Variants in DPYSL2 observed in about 807,000 individuals in gnomAD.
DPYSL2 encodes dihydropyrimidinase like 2.
Under a neutral mutation model 69.9 loss-of-function variants are expected in DPYSL2, and 13 were observed. That is an observed-to-expected ratio of 0.19 (90% CI 0.12 to 0.30). DPYSL2 has a LOEUF of 0.30. Ranked by LOEUF, DPYSL2 falls within the 10% of genes least tolerant of loss-of-function variation. DPYSL2 has a pLI of 1.00. For synonymous variants in DPYSL2, 326 were observed against 359.1 expected, an observed-to-expected ratio of 0.91 and a Z score of 1.04; for missense variants, 587 against 918.9, an observed-to-expected ratio of 0.64 and a Z score of 4.67.
rs1257148376 is a variant in DPYSL2, at chr8:26,514,331, C to A, written c.6C>A (p.Ala2=). Residue 2 remains alanine, a synonymous_variant, in exon 1 of 14, where the codon GCC becomes GCA. Coordinates refer to ENST00000521913, the MANE Select transcript of DPYSL2 (RefSeq NM_001197293.3). This position sits in a 1 kb window ranked among gnomAD's most constrained non-coding sequence, Gnocchi z 8.4. ...CCTACCCGAGCCCCCGAGCCATGGC[C>A]GAGAGAAAGCAATCCGGGAAGGCGG... M[A]ERKQSGKAAE... 2 of 1,460,396 alleles carry A rather than the reference C, an allele frequency of 1.4e-6. No homozygotes were observed. Among genetic ancestry groups the A allele is most frequent in the African/African-American group, 1.4e-5 (1 of 69,484 alleles). 90.5% of individuals were successfully genotyped at this position (1,460,396 alleles called of 1,614,324 possible).
In DPYSL2 at chr8:26,587,039, G is replaced by A. The variant is rs562202404; in HGVS notation, c.628+3056G>A. Among the ~76,000 whole-genome samples the A allele has an allele frequency of 1.6e-4, 25 of 152,270 alleles. 1 individual carries two copies. Among genetic ancestry groups the A allele is most frequent in the Admixed American group, 6.5e-4 (10 of 15,296 alleles). ...AATTTCTACTAGCCTGCCTTTCCCC[G>A]GGGGAGGGAATGGTAATAATACAGG... On this transcript the variant is annotated intron_variant, in intron 3 of 13. Coordinates refer to ENST00000521913, the MANE Select transcript of DPYSL2 (RefSeq NM_001197293.3). This position sits in a 1 kb window ranked among gnomAD's most constrained non-coding sequence, Gnocchi z 4.2.
chr8:26,522,089 CT>C (rs1808395985), intron 1 of DPYSL2, among the ~76,000 whole-genome samples: 1 of 152,174 alleles, frequency 6.6e-6, no homozygotes, highest in African/African-American at 2.4e-5. Context: ...GGGCGGATCA[CT>C]TGAGGTCAGG....
intron 1 of DPYSL2, among the ~76,000 whole-genome samples, chr8:26,555,505 A>G (rs1334461449): frequency 6.6e-6 from 1 of 152,188 alleles, no homozygotes; most frequent in African/African-American, 2.4e-5. Flanking sequence ...GTTTATGTTA[A>G]CACCAAAAAA....
rs1470743834 is a variant in DPYSL2, at chr8:26,652,128, C to T, written c.1597-129C>T. On this transcript the variant is annotated intron_variant, in intron 11 of 13. Transcript: ENST00000521913. This position sits in a 1 kb window ranked among gnomAD's most constrained non-coding sequence, Gnocchi z 6.3. ...GCAAGTAAGTGCCTGCTGGGGTGCCCAGTTGGGACAGGATCCCTGTCTCTG... is the reference window on the plus strand; with the variant it reads ...GCAAGTAAGTGCCTGCTGGGGTGCCTAGTTGGGACAGGATCCCTGTCTCTG... The T allele has an allele frequency of 5.0e-6, 4 of 805,848 alleles. No homozygotes were observed. The highest frequency in any genetic ancestry group is 7.2e-6 in the Non-Finnish European group (4 of 552,972). The allele number at this position is 805,848 out of a possible 1,614,324, so 49.9% of individuals were successfully genotyped here. A position where few individuals can be genotyped will look rare whatever the true frequency, so the allele number is the denominator to read the frequency against.
intron 1 of DPYSL2, among the ~76,000 whole-genome samples, chr8:26,547,518 C>G (rs1800792099): frequency 6.6e-6 from 1 of 152,162 alleles, no homozygotes; most frequent in Non-Finnish European, 1.5e-5. Flanking sequence ...GCATCATAAC[C>G]AGACCCAGAT....
At chr8:26,601,141 T>C (rs941193571) in intron 3 of DPYSL2, among the ~76,000 whole-genome samples, 1 of 152,218 alleles carries the variant, frequency 6.6e-6, no homozygotes, top group African/African-American at 2.4e-5. Flanking sequence ...ATTTGTAGTT[T>C]GCAGGAACCA....
At chr8:26,625,330 T>A (rs1396053816) in intron 4 of DPYSL2, among the ~76,000 whole-genome samples, 1 of 152,224 alleles carries the variant, frequency 6.6e-6, no homozygotes, top group Non-Finnish European at 1.5e-5. Context: ...CTTTTCTCAC[T>A]TTTGATCATG....
In DPYSL2 at chr8:26,624,889, TG is replaced by T. The variant is rs558992744; in HGVS notation, c.793+585del. On this transcript the variant is annotated intron_variant, in intron 4 of 13. Transcript: ENST00000521913. The surrounding 1 kb of genome is among the most constrained non-coding windows in gnomAD (Gnocchi z 4.7). The stretch of plus-strand genomic sequence containing the variant: ...AATCTTTACCACCTCAAGGTGCCTC[TG>T]GGACTCTTGTCAACAAGAACCTCGG... Among the ~76,000 whole-genome samples, 453 of 152,246 alleles carry T rather than the reference TG, an allele frequency of 3.0e-3. 2 individuals carry two copies. The highest frequency in any genetic ancestry group is 0.01 in the African/African-American group (433 of 41,540).
chr8:26,571,257 C>T lies in DPYSL2; in HGVS notation c.355-10712C>T, dbSNP rs1471378016. Among the ~76,000 whole-genome samples the T allele has an allele frequency of 2.6e-5, 4 of 152,106 alleles. No individual in the cohort carries two copies. Among genetic ancestry groups the T allele is most frequent in the African/African-American group, 9.7e-5 (4 of 41,390 alleles). On this transcript the variant is annotated intron_variant, in intron 1 of 13. Transcript: ENST00000521913. This position sits in a 1 kb window ranked among gnomAD's most constrained non-coding sequence, Gnocchi z 6.1. ...GTTTAAAAACCTTCCTGGACCTTAC[C>T]TCCGGATATTCTGTTCAGGATGTCT... is the stretch of plus-strand genomic sequence containing the variant.
intron 1 of DPYSL2, among the ~76,000 whole-genome samples, chr8:26,526,148 G>A (rs1808471768): frequency 6.6e-6 from 1 of 152,094 alleles, no homozygotes; most frequent in African/African-American, 2.4e-5. Context: ...AGGCTGGAGT[G>A]CAGTGGCATG....
chr8:26,536,472 A>G (rs887582513), intron 1 of DPYSL2, among the ~76,000 whole-genome samples: 8 of 151,992 alleles, frequency 5.3e-5, no homozygotes, highest in Non-Finnish European at 1.2e-4. Context: ...GGAGTTCGAG[A>G]CCAGCCTGGT....
chr8:26,551,972 C>A (rs571198499), intron 1 of DPYSL2, among the ~76,000 whole-genome samples: 2 of 152,074 alleles, frequency 1.3e-5, no homozygotes, highest in African/African-American at 2.4e-5. Flanking sequence ...TGCTACCATG[C>A]CTGGCTAATT....
At chr8:26,549,157 C>A (rs1018610304) in intron 1 of DPYSL2, among the ~76,000 whole-genome samples, 2 of 151,602 alleles carry the variant, frequency 1.3e-5, no homozygotes, top group Non-Finnish European at 2.9e-5. Flanking sequence ...CCACTGCACT[C>A]CAGCCCAGGT....
chr8:26,654,619 A>G lies in DPYSL2; in HGVS notation c.1943-996A>G, dbSNP rs150609618. Among the ~76,000 whole-genome samples, 422 of 152,228 alleles carry G rather than the reference A, an allele frequency of 2.8e-3. 3 individuals are homozygous for G. Among genetic ancestry groups the G allele is most frequent in the African/African-American group, 9.6e-3 (400 of 41,540 alleles). On this transcript the variant is annotated intron_variant, in intron 13 of 13. Coordinates refer to ENST00000521913, the MANE Select transcript of DPYSL2 (RefSeq NM_001197293.3). The surrounding 1 kb of genome is among the most constrained non-coding windows in gnomAD (Gnocchi z 5.0). The stretch of plus-strand genomic sequence containing the variant: ...GCCATCGTTCCTCCTACTTGTGATT[A>G]TATGTGTAGGATTAGGGGATTAGAA...
At chr8:26,636,888 C>A (rs143317722) in intron 8 of DPYSL2, among the ~76,000 whole-genome samples, 2 of 152,138 alleles carry the variant, frequency 1.3e-5, no homozygotes, top group East Asian at 3.9e-4. Flanking sequence ...TTACAGGCGC[C>A]CCCCCATCAC....
At chr8:26,602,177 C>T (rs1211480121) in intron 3 of DPYSL2, among the ~76,000 whole-genome samples, 46 of 137,810 alleles carry the variant, frequency 3.3e-4, no homozygotes, top group African/African-American at 1.1e-3. Flanking sequence ...GGGAGTGCTG[C>T]GAGAGTTTTT....
chr8:26,599,499 C>A (rs2129808084), intron 3 of DPYSL2, among the ~76,000 whole-genome samples: 1 of 152,104 alleles, frequency 6.6e-6, no homozygotes, highest in East Asian at 1.9e-4. Context: ...AAGGGATTTT[C>A]AAAGAAAGAA....
At position 26,629,715 on chromosome 8, in the gene DPYSL2, C is replaced by A. The variant is rs534875821; in HGVS notation, c.1005+1775C>A. Among the ~76,000 whole-genome samples the A allele has an allele frequency of 2.6e-5, 4 of 152,284 alleles. No homozygotes were observed. In the South Asian group the frequency reaches 8.3e-4, roughly 32 times the overall value. Reference sequence around the variant, plus strand: ...CAGGCGAGAGCAGGCTAAGATCAGCCGACCATAAACATGCCTGAGGCTGAT... The same window carrying A: ...CAGGCGAGAGCAGGCTAAGATCAGCAGACCATAAACATGCCTGAGGCTGAT... On this transcript the variant is annotated intron_variant, in intron 7 of 13. Transcript: ENST00000521913.
chr8:26,553,902 T>C (rs1343065060), intron 1 of DPYSL2, among the ~76,000 whole-genome samples: 2 of 148,514 alleles, frequency 1.3e-5, no homozygotes, highest in African/African-American at 5.0e-5. Flanking sequence ...TTTGGGCTTT[T>C]TTTTTTTTTT....
Sources: allele counts gnomAD v4.1 joint callset (sites outside exome capture counted in the v4.1 genomes callset), GRCh38; gene constraint gnomAD v4.1.1; non-coding constraint Gnocchi (gnomAD v3.1); transcripts MANE v1.5; gene names NCBI Gene and HGNC (gene_info 2026-07-23, HGNC 2026-07-21).